The following PMEL variants were observed in gnomAD, a reference collection of about 807,000 sequenced individuals.
The protein encoded by PMEL is melanocyte protein PMEL.
In PMEL, 53 loss-of-function variants were observed where a neutral mutation model predicts 64.9. That is an observed-to-expected ratio of 0.82 (90% CI 0.66 to 1.03). The LOEUF is 1.03. Among genes scored for constraint, PMEL ranks in the 50% least tolerant of loss-of-function variants. PMEL has a pLI of 0.00. For synonymous variants in PMEL, 299 were observed against 316.2 expected (o/e 0.95, Z 0.58); for missense variants, 716 against 814.9 (o/e 0.88, Z 1.48).
At chr12:55,962,338 G>A (rs1455883710) in intron 1 of PMEL, among the ~76,000 whole-genome samples, 6 of 149,794 alleles carry the variant, frequency 4.0e-5, no homozygotes, top group Admixed American at 1.3e-4. Flanking sequence ...AGCTACTTGG[G>A]AGGCTGAGGC....
chr12:55,956,905 G>T, intron 6 of PMEL, 44 bp downstream of exon 6: 1 of 1,588,482 alleles, frequency 6.3e-7, no homozygotes, highest in South Asian at 1.2e-5. Context: ...GAGTAGAGTA[G>T]GGTACCCCAC....
In PMEL at chr12:55,954,323, G is replaced by A; in HGVS notation, c.1877C>T (p.Ser626Phe). 6.2e-7 allele frequency: 1 copy of A among 1,614,164 alleles called. No homozygotes were observed. The highest frequency in any genetic ancestry group is 1.1e-5 in the South Asian group (1 of 91,078). ...GCTGCTATGTGGCAACTGGGGTACGGAGAAGTCTTGCTTCATAAGTCTGCG... is the reference window on the plus strand; with the variant it reads ...GCTGCTATGTGGCAACTGGGGTACGAAGAAGTCTTGCTTCATAAGTCTGCG... ...YRRRLMKQDF[S>F]VPQLPHSSSH... Residue 626 changes from serine to phenylalanine, a missense_variant, in exon 11 of 11, where the codon TCC (serine) becomes TTC (phenylalanine). By Grantham distance (155) the Ser-to-Phe change is radical (BLOSUM62 -2). Coordinates refer to ENST00000548747, the MANE Select transcript of PMEL (RefSeq NM_001384361.1).
At chr12:55,965,206 C>T (rs1389195849) in intron 1 of PMEL, among the ~76,000 whole-genome samples, 3 of 152,266 alleles carry the variant, frequency 2.0e-5, no homozygotes, top group African/African-American at 7.2e-5. Flanking sequence ...GGATTACAGG[C>T]GTGAGCCACG....
chr12:55,962,776 C>T (rs1202031548), intron 1 of PMEL, among the ~76,000 whole-genome samples: 2 of 151,818 alleles, frequency 1.3e-5, no homozygotes, highest in Admixed American at 1.3e-4. Flanking sequence ...AGTGATCCAA[C>T]CGCTTCGGCC....
intron 1 of PMEL, 122 bp from the exon 2 acceptor site, chr12:55,961,854 G>C (rs1056585854): frequency 2.1e-6 from 1 of 480,978 alleles, no homozygotes; most frequent in Admixed American, 4.3e-5. Flanking sequence ...TTTTTTTTTT[G>C]AGATGGAGTT....
At chr12:55,954,423 A>G in intron 10 of PMEL, 74 bp from the exon 11 acceptor site, 1 of 1,494,046 alleles carries the variant, frequency 6.7e-7, no homozygotes, top group South Asian at 1.1e-5. Context: ...CAAAGAAGGG[A>G]ACACACCCAT....
At position 55,958,089 on chromosome 12, in the gene PMEL, AG is replaced by A. The variant is rs1182137553; in HGVS notation, c.470-6del. On this transcript the variant is annotated splice_region_variant and splice_polypyrimidine_tract_variant and intron_variant, in intron 4 of 10. Coordinates refer to ENST00000548747, the MANE Select transcript of PMEL (RefSeq NM_001384361.1). ...CTAGAACTTGCCAGTATTGGCCTGA[AG>A]TTTTTGGAATGAAAAGCAAGGAAGA... is the stretch of plus-strand genomic sequence containing the variant. 41 of 1,613,516 alleles carry A rather than the reference AG, an allele frequency of 2.5e-5. No individual in the cohort carries two copies. The highest frequency in any genetic ancestry group is 3.3e-5 in the Non-Finnish European group (39 of 1,179,790).
Position 55,957,499 on chromosome 12 carries a change from G to T in PMEL, c.804C>A (p.Thr268=). 2.5e-6 allele frequency: 4 copies of T among 1,613,958 alleles called. No homozygotes were observed. The highest frequency in any genetic ancestry group is 3.4e-6 in the Non-Finnish European group (4 of 1,180,004). The stretch of plus-strand genomic sequence containing the variant: ...TGACCACAAGTGCCCGAGAGATCAG[G>T]GTTCCACTACTGTCTCCAAAGTCCC... ...YTWDFGDSSG[T]LISRALVVTH... The change falls in exon 6 of 11, where the codon ACC becomes ACA. Residue 268 remains threonine (T), a synonymous_variant. Transcript: ENST00000548747.
rs1387994145 is a variant in PMEL at position 55,960,190 on chromosome 12, G to A, written c.334+1127C>T. On this transcript the variant is annotated intron_variant, in intron 3 of 10. Coordinates refer to ENST00000548747, the MANE Select transcript of PMEL (RefSeq NM_001384361.1). ...CCTGCCACTGCACTCCAGCCTGAGCGACACAGCCAGACTCTGTCTCAAAAA... is the reference window on the plus strand; with the variant it reads ...CCTGCCACTGCACTCCAGCCTGAGCAACACAGCCAGACTCTGTCTCAAAAA... Among the ~76,000 whole-genome samples, 6 of 132,396 alleles carry A rather than the reference G, an allele frequency of 4.5e-5. No homozygotes were observed. The East Asian group carries it at 1.1e-3, about 23-fold the overall frequency. The allele number at this position is 132,396 out of a possible 152,430, so 86.9% of individuals were successfully genotyped here.
intron 1 of PMEL, among the ~76,000 whole-genome samples, chr12:55,964,581 C>T (rs1889216572): frequency 6.6e-6 from 1 of 152,138 alleles, no homozygotes. Context: ...GCTGGGATTA[C>T]AGGTGTGAGC....
chr12:55,966,532 G>T, upstream of PMEL: 1 of 321,256 alleles, frequency 3.1e-6, no homozygotes, highest in Non-Finnish European at 4.7e-6. Flanking sequence ...CCCCAGGATT[G>T]GTGAAAATAG....
At position 55,963,104 on chromosome 12, in the gene PMEL, C is replaced by T. The variant is rs145695872; in HGVS notation, c.77-1372G>A. ...CCCAGGAGGCGGAGGTGGCAGTGAG[C>T]CGAGATCACACCACTGCACTCCAGC... On this transcript the variant is annotated intron_variant, in intron 1 of 10. Coordinates refer to ENST00000548747, the MANE Select transcript of PMEL (RefSeq NM_001384361.1). Among the ~76,000 whole-genome samples the T allele has an allele frequency of 6.4e-3, 977 of 151,774 alleles. 15 individuals are homozygous for T. The highest frequency in any genetic ancestry group is 0.023 in the African/African-American group (943 of 41,374).
intron 4 of PMEL, 139 bp from the exon 5 acceptor site, chr12:55,958,223 G>C (rs1199022758): frequency 2.1e-5 from 19 of 920,648 alleles, no homozygotes; most frequent in Non-Finnish European, 2.9e-5. Context: ...GCTGTGATAT[G>C]GGGGGACAGG....
intron 10 of PMEL, among the ~76,000 whole-genome samples, chr12:55,955,053 G>A (rs1439187789): frequency 6.6e-6 from 1 of 152,226 alleles, no homozygotes; most frequent in Non-Finnish European, 1.5e-5. Context: ...CACAGGGCAA[G>A]TATTAGTTTA....
At chr12:55,962,448 C>CAAA (rs1197796228) in intron 1 of PMEL, among the ~76,000 whole-genome samples, 84 of 37,390 alleles carry the variant, frequency 2.2e-3, no homozygotes, top group Admixed American at 3.0e-3. Flanking sequence ...GACTCCATCT[C>CAAA]AAAAAAAAAA....
At chr12:55,955,912 C>G (rs752198373) in intron 7 of PMEL, 49 bp from the exon 8 acceptor site, 1 of 1,520,156 alleles carries the variant, frequency 6.6e-7, no homozygotes, top group Non-Finnish European at 9.1e-7. Flanking sequence ...CCTGGCCTCC[C>G]CAAAAGCCCA....
In PMEL at chr12:55,955,555, T is replaced by C. The variant is rs748625850; in HGVS notation, c.1671A>G (p.Ile557Met). The C allele has an allele frequency of 2.5e-6, 4 of 1,614,134 alleles. No homozygotes were observed. The highest frequency in any genetic ancestry group is 2.5e-6 in the Non-Finnish European group (3 of 1,180,034). Residue 557 changes from isoleucine to methionine, a missense_variant, in exon 9 of 11, where the codon ATA becomes ATG. Ile to Met is a conservative substitution (Grantham distance 10). Transcript: ENST00000548747. ...SPACQLVLHQILKGGSGTYCL... is the reference protein window; with the variant it reads ...SPACQLVLHQMLKGGSGTYCL... ...AGTATGTCCCCGAGCCACCCTTCAG[T>C]ATCTGGTGCAGAACCAGCTGGCAGG...
chr12:55,956,269 T>G, intron 6 of PMEL, 50 bp from the exon 7 acceptor site: 1 of 1,216,136 alleles, frequency 8.2e-7, no homozygotes, highest in Non-Finnish European at 1.2e-6. Flanking sequence ...ATGACTCATC[T>G]GGAGGCAGAG....
chr12:55,961,471 G>A lies in PMEL; in HGVS notation c.188-8C>T, dbSNP rs1889099950. 1.9e-6 allele frequency: 3 copies of A among 1,613,946 alleles called. No homozygotes were observed. Among genetic ancestry groups the A allele is most frequent in the Non-Finnish European group, 2.5e-6 (3 of 1,179,872 alleles). On this transcript the variant is annotated splice_region_variant and splice_polypyrimidine_tract_variant and intron_variant, in intron 2 of 10. Coordinates refer to ENST00000548747, the MANE Select transcript of PMEL (RefSeq NM_001384361.1). ...TGAGGGACACTTGACCACCTGGGAA[G>A]GAAAGCTACATTAGCTGGGACTCCT...
Sources: allele counts gnomAD v4.1 joint callset (sites outside exome capture counted in the v4.1 genomes callset), GRCh38; gene constraint gnomAD v4.1.1; transcripts MANE v1.5; gene names NCBI Gene and HGNC (gene_info 2026-07-23, HGNC 2026-07-21).